CALHM5: variants seen among roughly 807,000 people sequenced by gnomAD.
CALHM5 encodes the protein calcium homeostasis modulator protein 5.
In CALHM5, 17 loss-of-function variants were observed where a neutral mutation model predicts 20.9. That is an observed-to-expected ratio of 0.82 (90% CI 0.56 to 1.22). The LOEUF (loss-of-function observed/expected upper bound fraction) is 1.22, where lower values mean the gene tolerates loss of function less well. Among genes scored for constraint, CALHM5 ranks in the 50% most tolerant of loss-of-function variants. The pLI, the probability that CALHM5 is intolerant of heterozygous loss-of-function variation, is 0.00. For synonymous variants in CALHM5, 148 were observed against 140.0 expected, an observed-to-expected ratio of 1.06 and a Z score of -0.40; for missense variants, 360 against 364.6, an observed-to-expected ratio of 0.99 and a Z score of 0.10.
rs367705348 is a variant in CALHM5, at chr6:116,512,172, G to A, written c.476G>A (p.Gly159Asp). The A allele has an allele frequency of 3.5e-5, 57 of 1,611,570 alleles. No homozygotes were observed. Among genetic ancestry groups the A allele is most frequent in the Non-Finnish European group, 4.7e-5 (55 of 1,179,934 alleles). Reference protein sequence around the residue: ...CWEELHKVSCGKTSMLPTVNE... With the variant: ...CWEELHKVSCDKTSMLPTVNE... ...GAAGAACTTCACAAAGTATCTTGTG[G>A]CAAAACTAGCATGCTACCTACCGTC... The change falls in exon 1 of 2, where the codon GGC (glycine) becomes GAC (aspartate). Residue 159 changes from glycine (G) to aspartate (D), a missense_variant. Physicochemically the swap from Gly to Asp is moderately conservative, Grantham distance 94 (BLOSUM62 -1). Transcript: ENST00000368599.
chr6:116,516,751 G>A lies in CALHM5; in HGVS notation c.*762G>A, dbSNP rs1319821191. 7.4e-6 allele frequency: 1 copy of A among 135,398 alleles called. No homozygotes were observed. The highest frequency in any genetic ancestry group is 1.6e-5 in the Non-Finnish European group (1 of 63,876). The allele number at this position is 135,398 out of a possible 1,614,324, so 8.4% of individuals were successfully genotyped here. A position where few individuals can be genotyped will look rare whatever the true frequency, so the allele number is the denominator to read the frequency against. ...TATATTTATAACTGCATTGATAAAAGGTGAATATATTAGCATTTTCTTCAA... is the reference window on the plus strand; with the variant it reads ...TATATTTATAACTGCATTGATAAAAAGTGAATATATTAGCATTTTCTTCAA... On this transcript the variant is annotated 3_prime_UTR_variant, in exon 2 of 2. Transcript: ENST00000368599.
rs1772400638 is a variant in CALHM5 at position 116,524,158 on chromosome 6, T to C, written c.*8169T>C. ...CTGCCATGATGTCTAGAAGTTTCTT[T>C]AAAATACTCTAGAAAAAAGAGTTTA... On this transcript the variant is annotated 3_prime_UTR_variant, in exon 2 of 2. Transcript: ENST00000368599. The C allele has an allele frequency of 9.3e-6, 1 of 107,376 alleles. No individual in the cohort carries two copies. The highest frequency in any genetic ancestry group is 1.9e-5 in the Non-Finnish European group (1 of 51,560). The allele number at this position is 107,376 out of a possible 1,614,324, so 6.7% of individuals were successfully genotyped here.
chr6:116,516,660 A>AATATATATAT lies in CALHM5; in HGVS notation c.*711_*720dup, dbSNP rs57050552. ...TCCTACATTCAAAATAGTAGTAACA[A>AATATATATAT]ATATATATATATATATATATATATA... On this transcript the variant is annotated 3_prime_UTR_variant, in exon 2 of 2. Coordinates refer to ENST00000368599, the MANE Select transcript of CALHM5 (RefSeq NM_153711.5). The AATATATATAT allele has an allele frequency of 8.6e-5, 9 of 104,382 alleles. No individual in the cohort carries two copies. Among genetic ancestry groups the AATATATATAT allele is most frequent in the Non-Finnish European group, 1.3e-4 (7 of 53,544 alleles). 6.5% of individuals were successfully genotyped at this position (104,382 alleles called of 1,614,324 possible).
chr6:116,521,563 T>C lies in CALHM5; in HGVS notation c.*5574T>C, dbSNP rs1241721935. On this transcript the variant is annotated 3_prime_UTR_variant, in exon 2 of 2. Coordinates refer to ENST00000368599, the MANE Select transcript of CALHM5 (RefSeq NM_153711.5). ...GCAAATTTGCCCATCCTCTCCCTTT[T>C]TGTCCTACCCAGGCCCTCAATGGAT... is the stretch of plus-strand genomic sequence containing the variant. 6.6e-6 allele frequency: 1 copy of C among 150,864 alleles called. No individual in the cohort carries two copies. Among genetic ancestry groups the C allele is most frequent in the Non-Finnish European group, 1.5e-5 (1 of 67,670 alleles). 9.3% of individuals were successfully genotyped at this position (150,864 alleles called of 1,614,324 possible).
chr6:116,522,067 C>G lies in CALHM5; in HGVS notation c.*6078C>G, dbSNP rs760191877. 1.3e-5 allele frequency: 2 copies of G among 152,194 alleles called. No individual in the cohort carries two copies. Among genetic ancestry groups the G allele is most frequent in the Non-Finnish European group, 2.9e-5 (2 of 68,054 alleles). 9.4% of individuals were successfully genotyped at this position (152,194 alleles called of 1,614,324 possible). On this transcript the variant is annotated 3_prime_UTR_variant, in exon 2 of 2. Transcript: ENST00000368599. ...GAGAGATCCCAATGGCTCCAATTGT[C>G]TCAGATATTCTAGCTTAGGGGTCAG...
chr6:116,513,771 G>A (rs560636985), intron 1 of CALHM5, among the ~76,000 whole-genome samples: 2 of 152,300 alleles, frequency 1.3e-5, no homozygotes, highest in Admixed American at 6.5e-5. Context: ...TCATCCATGG[G>A]TGGGGCAGAT....
At position 116,523,382 on chromosome 6, in the gene CALHM5, C is replaced by CT. The variant is rs1469395618; in HGVS notation, c.*7399dup. ...TCTTTGTTCCTGTTGTAAATGGTTT[C>CT]TTTTTTCCACTATATCTTTCTAAGT... On this transcript the variant is annotated 3_prime_UTR_variant, in exon 2 of 2. Coordinates refer to ENST00000368599, the MANE Select transcript of CALHM5 (RefSeq NM_153711.5). 5 of 152,058 alleles carry CT rather than the reference C, an allele frequency of 3.3e-5. No individual in the cohort carries two copies. The highest frequency in any genetic ancestry group is 4.2e-4 in the South Asian group (2 of 4,818). The allele number at this position is 152,058 out of a possible 1,614,324, so 9.4% of individuals were successfully genotyped here.
Position 116,516,835 on chromosome 6 carries a change from C to T in CALHM5, c.*846C>T, listed in dbSNP as rs1005788908. On this transcript the variant is annotated 3_prime_UTR_variant, in exon 2 of 2. Transcript: ENST00000368599. The stretch of plus-strand genomic sequence containing the variant: ...AAGAAATTAAAAACATTTTAGTGGG[C>T]CCTTACAAGTATTATGGTCCTTAGG... 21 of 151,714 alleles carry T rather than the reference C, an allele frequency of 1.4e-4. No homozygotes were observed. The highest frequency in any genetic ancestry group is 4.8e-4 in the African/African-American group (20 of 41,276). 9.4% of individuals were successfully genotyped at this position (151,714 alleles called of 1,614,324 possible).
rs1772373026 is a variant in CALHM5 at position 116,522,985 on chromosome 6, G to A, written c.*6996G>A. ...TCATCTGGAGGGCTTATTAAAATGT[G>A]GATTGCTGAACTCCACCCCCAGGGT... On this transcript the variant is annotated 3_prime_UTR_variant, in exon 2 of 2. Transcript: ENST00000368599. The A allele has an allele frequency of 6.6e-6, 1 of 151,576 alleles. No individual in the cohort carries two copies. Among genetic ancestry groups the A allele is most frequent in the African/African-American group, 2.4e-5 (1 of 41,198 alleles). 9.4% of individuals were successfully genotyped at this position (151,576 alleles called of 1,614,324 possible). A position where few individuals can be genotyped will look rare whatever the true frequency, so the allele number is the denominator to read the frequency against.
In CALHM5 at chr6:116,519,614, C is replaced by T. The variant is rs1772293341; in HGVS notation, c.*3625C>T. On this transcript the variant is annotated 3_prime_UTR_variant, in exon 2 of 2. Transcript: ENST00000368599. ...GAAGGGTCCTTGGGCTAGAGCCAACCCAAGCCCAGGCTGACTCCCTTTTAA... is the reference window on the plus strand; with the variant it reads ...GAAGGGTCCTTGGGCTAGAGCCAACTCAAGCCCAGGCTGACTCCCTTTTAA... 1 of 152,202 alleles carries T rather than the reference C, an allele frequency of 6.6e-6. No individual in the cohort carries two copies. Among genetic ancestry groups the T allele is most frequent in the Non-Finnish European group, 1.5e-5 (1 of 68,056 alleles). 9.4% of individuals were successfully genotyped at this position (152,202 alleles called of 1,614,324 possible). A position where few individuals can be genotyped will look rare whatever the true frequency, so the allele number is the denominator to read the frequency against.
chr6:116,515,565 T>C, intron 1 of CALHM5, 35 bp from the exon 2 acceptor site: 2 of 1,561,004 alleles, frequency 1.3e-6, no homozygotes, highest in Non-Finnish European at 1.7e-6. Flanking sequence ...TGGCTTTGCT[T>C]TCACGTGTGT....
chr6:116,515,833 G>A lies in CALHM5; in HGVS notation c.774G>A (p.Thr258=), dbSNP rs753273357. The A allele has an allele frequency of 1.9e-6, 3 of 1,613,946 alleles. No homozygotes were observed. The highest frequency in any genetic ancestry group is 2.5e-6 in the Non-Finnish European group (3 of 1,179,930). ...NKRPDPFPMP[T]FAAWEAASEL... is the part of the protein sequence containing the mutation. ...GGCCAGATCCTTTTCCCATGCCTAC[G>A]TTTGCTGCCTGGGAGGCTGCTTCAG... Residue 258 remains threonine (T), a synonymous_variant, in exon 2 of 2, where the codon ACG becomes ACA. Coordinates refer to ENST00000368599, the MANE Select transcript of CALHM5 (RefSeq NM_153711.5).
chr6:116,515,644 G>C lies in CALHM5; in HGVS notation c.585G>C (p.Leu195=), dbSNP rs1450332929. 6 of 1,613,796 alleles carry C rather than the reference G, an allele frequency of 3.7e-6. No individual in the cohort carries two copies. The South Asian group carries it at 4.4e-5, about 12-fold the overall frequency. The change falls in exon 2 of 2, where the codon CTG becomes CTC. Residue 195 remains leucine (L), a synonymous_variant. Transcript: ENST00000368599. ...CLICSASFFS[L]LTTCYARCRS... The stretch of plus-strand genomic sequence containing the variant: ...TTTGTTCAGCGTCTTTCTTCTCTCT[G>C]CTCACCACATGTTATGCTCGCTGCC...
rs1396759218 is a variant in CALHM5 at position 116,521,902 on chromosome 6, G to T, written c.*5913G>T. The T allele has an allele frequency of 6.6e-6, 1 of 152,078 alleles. No homozygotes were observed. The highest frequency in any genetic ancestry group is 1.9e-4 in the East Asian group (1 of 5,186). The allele number at this position is 152,078 out of a possible 1,614,324, so 9.4% of individuals were successfully genotyped here. ...AAGCAGTATCACAGTTTATGCCTTGGTCTCTTACAATGTTGCAATGCTCAA... is the reference window on the plus strand; with the variant it reads ...AAGCAGTATCACAGTTTATGCCTTGTTCTCTTACAATGTTGCAATGCTCAA... On this transcript the variant is annotated 3_prime_UTR_variant, in exon 2 of 2. Transcript: ENST00000368599.
At position 116,519,956 on chromosome 6, in the gene CALHM5, A is replaced by G. The variant is rs891173186; in HGVS notation, c.*3967A>G. The G allele has an allele frequency of 1.2e-4, 18 of 152,172 alleles. No individual in the cohort carries two copies. The highest frequency in any genetic ancestry group is 4.3e-4 in the African/African-American group (18 of 41,448). The allele number at this position is 152,172 out of a possible 1,614,324, so 9.4% of individuals were successfully genotyped here. A position where few individuals can be genotyped will look rare whatever the true frequency, so the allele number is the denominator to read the frequency against. On this transcript the variant is annotated 3_prime_UTR_variant, in exon 2 of 2. Coordinates refer to ENST00000368599, the MANE Select transcript of CALHM5 (RefSeq NM_153711.5). ...AATATAAAGTGGGAGAAAAAAAGGT[A>G]TGTAACAAAGATTACAAAAATAAGG... is the stretch of plus-strand genomic sequence containing the variant.
In CALHM5 at chr6:116,515,951, A is replaced by G; in HGVS notation, c.892A>G (p.Thr298Ala). ...GLQLSPEDDE[T>A]TMVLVGTAHN... Reference sequence around the variant, plus strand: ...GCAACTTAGCCCTGAGGATGATGAGACGACAATGGTCCTTGTGGGTACTGC... The same window carrying G: ...GCAACTTAGCCCTGAGGATGATGAGGCGACAATGGTCCTTGTGGGTACTGC... Residue 298 changes from threonine to alanine, a missense_variant, in exon 2 of 2, where the codon ACG becomes GCG. Physicochemically the swap from Thr to Ala is moderately conservative, Grantham distance 58 (BLOSUM62 0). Transcript: ENST00000368599. 1 of 1,611,058 alleles carries G rather than the reference A, an allele frequency of 6.2e-7. No individual in the cohort carries two copies. The highest frequency in any genetic ancestry group is 8.5e-7 in the Non-Finnish European group (1 of 1,177,734).
rs560682463 is a variant in CALHM5, at chr6:116,523,424, C to T, written c.*7435C>T. ...TTTCTAAGTGATTGTTGTCTGAGTA[C>T]GTGAAAAGCTATTGTCTTATGCTTA... On this transcript the variant is annotated 3_prime_UTR_variant, in exon 2 of 2. Transcript: ENST00000368599. 6.6e-6 allele frequency: 1 copy of T among 152,074 alleles called. No individual in the cohort carries two copies. Among genetic ancestry groups the T allele is most frequent in the Non-Finnish European group, 1.5e-5 (1 of 68,010 alleles). The allele number at this position is 152,074 out of a possible 1,614,324, so 9.4% of individuals were successfully genotyped here.
At chr6:116,514,448 T>C (rs1295592746) in intron 1 of CALHM5, among the ~76,000 whole-genome samples, 2 of 152,232 alleles carry the variant, frequency 1.3e-5, no homozygotes, top group Admixed American at 1.3e-4. Context: ...CACATTTACA[T>C]AAGTGTATAT....
Position 116,524,459 on chromosome 6 carries a change from G to A in CALHM5, c.*8470G>A, listed in dbSNP as rs1290328975. 2.0e-5 allele frequency: 3 copies of A among 151,066 alleles called. No individual in the cohort carries two copies. The highest frequency in any genetic ancestry group is 4.5e-5 in the Non-Finnish European group (3 of 67,112). 9.4% of individuals were successfully genotyped at this position (151,066 alleles called of 1,614,324 possible). A position where few individuals can be genotyped will look rare whatever the true frequency, so the allele number is the denominator to read the frequency against. On this transcript the variant is annotated 3_prime_UTR_variant, in exon 2 of 2. Transcript: ENST00000368599. ...CTCTGAATTCTTACATATTCAGCCTGTTGGCCTGTTCTCGAATTGAAGGAC... is the reference window on the plus strand; with the variant it reads ...CTCTGAATTCTTACATATTCAGCCTATTGGCCTGTTCTCGAATTGAAGGAC...
Sources: allele counts gnomAD v4.1 joint callset (sites outside exome capture counted in the v4.1 genomes callset), GRCh38; gene constraint gnomAD v4.1.1; transcripts MANE v1.5; gene names NCBI Gene and HGNC (gene_info 2026-07-23, HGNC 2026-07-21).